Variants in KIAA2012 observed in about 807,000 individuals in gnomAD.
KIAA2012 encodes the protein uncharacterized protein KIAA2012.
Under a neutral mutation model 150.6 loss-of-function variants are expected in KIAA2012, and 125 were observed. That is an observed-to-expected ratio of 0.83 (90% CI 0.72 to 0.96). The LOEUF is 0.96. KIAA2012 is among the 40% of genes least tolerant of loss of function. KIAA2012 has a pLI of 0.00. For synonymous variants in KIAA2012, 462 were observed against 504.7 expected (o/e 0.92, Z 1.13); for missense variants, 1,219 against 1,354.9 (o/e 0.90, Z 1.57).
At chr2:202,087,872 C>T (rs894883533) in intron 2 of KIAA2012, among the ~76,000 whole-genome samples, 2 of 152,044 alleles carry the variant, frequency 1.3e-5, no homozygotes, top group African/African-American at 4.8e-5. Context: ...TTGACCAGAG[C>T]TAGGTCCCTT....
chr2:202,110,044 G>C (rs1183459893), intron 10 of KIAA2012, among the ~76,000 whole-genome samples: 1 of 152,206 alleles, frequency 6.6e-6, no homozygotes, highest in Non-Finnish European at 1.5e-5. Flanking sequence ...CCTGGCAGCA[G>C]CATTTGATGA....
intron 13 of KIAA2012, among the ~76,000 whole-genome samples, chr2:202,143,056 A>C (rs1691223625): frequency 6.8e-6 from 1 of 146,634 alleles, no homozygotes; most frequent in Admixed American, 7.2e-5. Context: ...ATCACCTCCA[A>C]TTGACAACCA....
At chr2:202,111,145 G>A (rs16838854) in intron 10 of KIAA2012, among the ~76,000 whole-genome samples, 44,211 of 151,796 alleles carry the variant, frequency 0.29, 6,745 homozygotes, top group African/African-American at 0.38. Flanking sequence ...ACAAATCACA[G>A]CAAATGGATA....
intron 2 of KIAA2012, among the ~76,000 whole-genome samples, chr2:202,085,917 C>A (rs1413047494): frequency 6.6e-6 from 1 of 152,090 alleles, no homozygotes; most frequent in Non-Finnish European, 1.5e-5. Context: ...CGCCTGTAAT[C>A]CCAGCACTTT....
At position 202,097,585 on chromosome 2, in the gene KIAA2012, T is replaced by G. The variant is rs750316461; in HGVS notation, c.828+8T>G. The G allele has an allele frequency of 2.2e-5, 33 of 1,511,096 alleles. No individual in the cohort carries two copies. The East Asian group carries it at 7.6e-4, about 35-fold the overall frequency. The allele number at this position is 1,511,096 out of a possible 1,614,324, so 93.6% of individuals were successfully genotyped here. A position where few individuals can be genotyped will look rare whatever the true frequency, so the allele number is the denominator to read the frequency against. On this transcript the variant is annotated splice_region_variant and intron_variant, in intron 5 of 23. Transcript: ENST00000498697. ...GATGAAACGCAGGCAGAGGTACCAT[T>G]TCTTTTTTTTTTTTTTTTCCCCGAG...
intron 2 of KIAA2012, among the ~76,000 whole-genome samples, chr2:202,088,210 G>A (rs902274149): frequency 2.6e-5 from 4 of 152,118 alleles, no homozygotes; most frequent in Middle Eastern, 3.4e-3. Flanking sequence ...CACAGATAAC[G>A]AGGGATGACT....
chr2:202,166,675 A>T (rs955998149), intron 15 of KIAA2012, among the ~76,000 whole-genome samples: 3 of 64,712 alleles, frequency 4.6e-5, no homozygotes, highest in Non-Finnish European at 1.2e-4. Context: ...AACAAAAACA[A>T]AAAAAAAAAG....
intron 11 of KIAA2012, among the ~76,000 whole-genome samples, chr2:202,123,268 T>C (rs929801536): frequency 1.3e-5 from 2 of 152,220 alleles, no homozygotes; most frequent in Non-Finnish European, 2.9e-5. Context: ...GACTGTTTTT[T>C]AGCCTCCTTT....
chr2:202,077,319 A>G (rs892812550), intron 2 of KIAA2012, among the ~76,000 whole-genome samples: 5 of 152,200 alleles, frequency 3.3e-5, no homozygotes, highest in African/African-American at 1.2e-4. Flanking sequence ...TGCCCAGAGT[A>G]AGAATACCTT....
At chr2:202,097,637 T>G in intron 5 of KIAA2012, 60 bp downstream of exon 5, 12 of 1,518,330 alleles carry the variant, frequency 7.9e-6, no homozygotes, top group Non-Finnish European at 9.7e-6. Flanking sequence ...TCACCCAGGC[T>G]AGAGTGCAAT....
chr2:202,132,258 C>A (rs773270194), intron 12 of KIAA2012, among the ~76,000 whole-genome samples: 3 of 152,134 alleles, frequency 2.0e-5, no homozygotes, highest in Non-Finnish European at 2.9e-5. Context: ...TTGACATCAC[C>A]AGATTTTTAT....
intron 13 of KIAA2012, among the ~76,000 whole-genome samples, chr2:202,139,398 G>A (rs141484530): frequency 1.3e-5 from 2 of 152,144 alleles, no homozygotes; most frequent in East Asian, 1.9e-4. Context: ...CCAGGGCCTC[G>A]GAGAACCTGA....
At chr2:202,203,377 T>C (rs1264849233) in intron 23 of KIAA2012, among the ~76,000 whole-genome samples, 2 of 152,224 alleles carry the variant, frequency 1.3e-5, no homozygotes, top group Admixed American at 6.5e-5. Flanking sequence ...GTAATGTCTA[T>C]TTAGAACAAT....
chr2:202,147,798 CAA>C (rs1409972951), intron 13 of KIAA2012, among the ~76,000 whole-genome samples: 4 of 152,188 alleles, frequency 2.6e-5, no homozygotes, highest in Non-Finnish European at 5.9e-5. Flanking sequence ...GTTTTGAGTT[CAA>C]GTTGTGAGTT....
Position 202,181,940 on chromosome 2 carries a change from C to G in KIAA2012, c.2120-2813C>G, listed in dbSNP as rs556057914. ...ATTCCCATGAAACCGTCACCACAAT[C>G]GAAATACAATATTCATCACTCCCAA... On this transcript the variant is annotated intron_variant, in intron 15 of 23. Transcript: ENST00000498697. 4.6e-5 allele frequency among the ~76,000 whole-genome samples: 7 copies of G among 152,140 alleles called. No individual in the cohort carries two copies. In the East Asian group the frequency reaches 1.4e-3, roughly 29 times the overall value.
At chr2:202,189,073 T>C (rs1010157754) in intron 18 of KIAA2012, among the ~76,000 whole-genome samples, 1 of 152,182 alleles carries the variant, frequency 6.6e-6, no homozygotes, top group African/African-American at 2.4e-5. Context: ...TTGTAGCCCA[T>C]GACTTGGGTA....
chr2:202,145,828 G>A (rs1257125860), intron 13 of KIAA2012, among the ~76,000 whole-genome samples: 1 of 151,824 alleles, frequency 6.6e-6, no homozygotes, highest in East Asian at 1.9e-4. Flanking sequence ...GGGATTACAG[G>A]CGCCCGTCAC....
rs1690089205 is a variant in KIAA2012, at chr2:202,103,025, C to A, written c.1235C>A (p.Ala412Asp). 6.4e-7 allele frequency: 1 copy of A among 1,550,506 alleles called. No homozygotes were observed. The highest frequency in any genetic ancestry group is 8.7e-7 in the Non-Finnish European group (1 of 1,146,958). ...VLEPLKSQFK[A>D]NEPPTELFIL... is the part of the protein sequence containing the mutation. ...GAGCCCCTGAAGAGCCAATTTAAAG[C>A]CAATGAGCCCCCAACAGAGCTCTTC... Residue 412 changes from alanine to aspartate, a missense_variant, in exon 8 of 24, where the codon GCC becomes GAC. Physicochemically the swap from Ala to Asp is moderately radical, Grantham distance 126. Coordinates refer to ENST00000498697, the MANE Select transcript of KIAA2012 (RefSeq NM_001277372.4).
At chr2:202,075,743 T>C (rs1385007218) in intron 2 of KIAA2012, among the ~76,000 whole-genome samples, 1 of 152,230 alleles carries the variant, frequency 6.6e-6, no homozygotes, top group East Asian at 1.9e-4. Context: ...CCCTGCTTTA[T>C]ATAATTGCAT....
Sources: gnomAD v4.1 joint callset for allele counts (sites outside exome capture counted in the v4.1 genomes callset) on GRCh38, gnomAD v4.1.1 for gene constraint, MANE v1.5 for transcripts, NCBI Gene and HGNC (gene_info 2026-07-23, HGNC 2026-07-21) for gene names.